The following CDC27 variants were observed in gnomAD, a reference collection of about 807,000 sequenced individuals.
CDC27 encodes cell division cycle 27.
A neutral mutation model predicts 109.7 loss-of-function variants in CDC27; 27 were observed. The observed-to-expected ratio is 0.25, with a 90% confidence interval of 0.18 to 0.34. The LOEUF (loss-of-function observed/expected upper bound fraction) is 0.34, where lower values mean the gene tolerates loss of function less well. Among genes scored for constraint, CDC27 ranks in the 10% least tolerant of loss-of-function variants. CDC27 has a pLI of 1.00. For missense variants in CDC27, 579 were observed against 960.2 expected (o/e 0.60, Z 5.25); for synonymous variants, 266 against 333.9 (o/e 0.80, Z 2.22).
chr17:47,126,752 T>C (rs990041197), intron 16 of CDC27, among the ~76,000 whole-genome samples: 2 of 152,196 alleles, frequency 1.3e-5, no homozygotes, highest in Non-Finnish European at 2.9e-5. Flanking sequence ...CAAAGAGTAG[T>C]TAAAAGTTGA....
At chr17:47,157,898 ATT>A (rs1299185731) in intron 5 of CDC27, among the ~76,000 whole-genome samples, 1 of 152,174 alleles carries the variant, frequency 6.6e-6, no homozygotes, top group Non-Finnish European at 1.5e-5. Context: ...AATTTTATTA[ATT>A]TTCTTATTCA....
At chr17:47,174,275 G>A (rs890707478) in intron 2 of CDC27, among the ~76,000 whole-genome samples, 1 of 152,246 alleles carries the variant, frequency 6.6e-6, no homozygotes, top group Middle Eastern at 3.4e-3. Flanking sequence ...AAAAAGCACA[G>A]AATATGTTTA....
At chr17:47,186,970 C>T (rs923855323) in intron 1 of CDC27, among the ~76,000 whole-genome samples, 2 of 152,038 alleles carry the variant, frequency 1.3e-5, no homozygotes, top group African/African-American at 4.8e-5. Context: ...CTTCCTAATT[C>T]TTTCCCATTT....
intron 9 of CDC27, among the ~76,000 whole-genome samples, chr17:47,149,677 G>A (rs926702292): frequency 2.0e-5 from 3 of 152,060 alleles, no homozygotes; most frequent in Admixed American, 6.6e-5. Flanking sequence ...AATTTCAGCT[G>A]GGCATGGTAG....
In CDC27 at chr17:47,133,074, CACACACACACAA is replaced by C. The variant is rs1182193139; in HGVS notation, c.1914-712_1914-701del. On this transcript the variant is annotated intron_variant, in intron 14 of 18. Coordinates refer to ENST00000066544, the MANE Select transcript of CDC27 (RefSeq NM_001256.6). ...ACACACATACATATACACACACACA[CACACACACACAA>C]ACACACACACACAAATATACATATA... 8.5e-5 allele frequency among the ~76,000 whole-genome samples: 7 copies of C among 82,724 alleles called. No individual in the cohort carries two copies. The East Asian group carries it at 1.3e-3, about 15-fold the overall frequency. 54.3% of individuals were successfully genotyped at this position (82,724 alleles called of 152,430 possible).
rs2061952029 is a variant in CDC27 at position 47,120,171 on chromosome 17, G to C, written c.*764C>G. The C allele has an allele frequency of 6.6e-6, 1 of 152,182 alleles. No homozygotes were observed. The highest frequency in any genetic ancestry group is 1.5e-5 in the Non-Finnish European group (1 of 68,028). The allele number at this position is 152,182 out of a possible 1,614,324, so 9.4% of individuals were successfully genotyped here. ...TCTATCATCTCTGAATGTTAAAGGTGATCCCACAGAGCTCAAAGAGAAGAG... is the reference window on the plus strand; with the variant it reads ...TCTATCATCTCTGAATGTTAAAGGTCATCCCACAGAGCTCAAAGAGAAGAG... On this transcript the variant is annotated 3_prime_UTR_variant, in exon 19 of 19. Coordinates refer to ENST00000066544, the MANE Select transcript of CDC27 (RefSeq NM_001256.6).
intron 6 of CDC27, 21 bp from the exon 7 acceptor site, chr17:47,157,145 C>G: frequency 6.5e-7 from 1 of 1,539,272 alleles, no homozygotes; most frequent in African/African-American, 1.4e-5. Flanking sequence ...AAATTTCTAC[C>G]AAGTCATTCA....
At chr17:47,163,089 C>T (rs911272054) in intron 4 of CDC27, among the ~76,000 whole-genome samples, 9 of 152,004 alleles carry the variant, frequency 5.9e-5, no homozygotes, top group Non-Finnish European at 2.9e-5. Context: ...AAAACCCAGC[C>T]AGAAGTTTCC....
intron 18 of CDC27, among the ~76,000 whole-genome samples, chr17:47,121,759 G>C (rs1378007346): frequency 6.8e-6 from 1 of 146,854 alleles, no homozygotes; most frequent in Non-Finnish European, 1.5e-5. Flanking sequence ...TTTTTTTTGA[G>C]ACAGAGTTTC....
intron 16 of CDC27, among the ~76,000 whole-genome samples, chr17:47,127,804 G>A (rs2062193166): frequency 6.6e-6 from 1 of 151,874 alleles, no homozygotes; most frequent in Non-Finnish European, 1.5e-5. Context: ...CTGAGCTCAA[G>A]CCATCCTCTC....
rs766303407 is a variant in CDC27, at chr17:47,120,881, G to T, written c.*54C>A. On this transcript the variant is annotated 3_prime_UTR_variant, in exon 19 of 19. Transcript: ENST00000066544. Reference sequence around the variant, plus strand: ...AAAGACTCAGTATACAGAGGGACAAGAAACACGTCAGCACTAGTCACACAT... The same window carrying T: ...AAAGACTCAGTATACAGAGGGACAATAAACACGTCAGCACTAGTCACACAT... 1.5e-6 allele frequency: 2 copies of T among 1,293,778 alleles called. No individual in the cohort carries two copies. The highest frequency in any genetic ancestry group is 2.2e-6 in the Non-Finnish European group (2 of 895,238). The allele number at this position is 1,293,778 out of a possible 1,614,324, so 80.1% of individuals were successfully genotyped here. A position where few individuals can be genotyped will look rare whatever the true frequency, so the allele number is the denominator to read the frequency against.
intron 3 of CDC27, among the ~76,000 whole-genome samples, chr17:47,171,651 G>A (rs1266695699): frequency 2.0e-5 from 3 of 152,014 alleles, no homozygotes; most frequent in South Asian, 2.1e-4. Context: ...CAAAGAAAAC[G>A]AAATATTTGT....
At chr17:47,159,949 C>G in intron 4 of CDC27, 1 of 338,546 alleles carries the variant, frequency 3.0e-6, no homozygotes, top group South Asian at 2.4e-5. Context: ...GGTCCCGGCC[C>G]CATCCACGGC....
intron 2 of CDC27, among the ~76,000 whole-genome samples, chr17:47,174,582 T>C (rs893839543): frequency 3.3e-5 from 5 of 151,080 alleles, no homozygotes; most frequent in African/African-American, 4.8e-5. Context: ...TAAAGTAATA[T>C]TGAGAAATCA....
intron 14 of CDC27, among the ~76,000 whole-genome samples, chr17:47,135,886 T>C (rs1226418554): frequency 6.6e-6 from 1 of 152,126 alleles, no homozygotes; most frequent in Non-Finnish European, 1.5e-5. Flanking sequence ...CTCATGCCTG[T>C]AATCCCAGCA....
intron 15 of CDC27, 60 bp downstream of exon 15, chr17:47,132,197 A>G (rs1392386039): frequency 1.2e-6 from 1 of 824,688 alleles, no homozygotes; most frequent in Non-Finnish European, 1.9e-6. Flanking sequence ...AATTAAATCA[A>G]TAACAAACAT....
chr17:47,124,432 C>G (rs937896026), intron 16 of CDC27, among the ~76,000 whole-genome samples: 10 of 151,918 alleles, frequency 6.6e-5, no homozygotes, highest in Non-Finnish European at 1.5e-4. Flanking sequence ...TACAGGCATG[C>G]GCCACCACAC....
intron 14 of CDC27, among the ~76,000 whole-genome samples, chr17:47,135,796 C>T (rs1447265320): frequency 6.6e-6 from 1 of 151,570 alleles, no homozygotes; most frequent in African/African-American, 2.4e-5. Context: ...AAAAACAACA[C>T]AAGGATCAAC....
intron 14 of CDC27, among the ~76,000 whole-genome samples, chr17:47,135,234 C>T (rs2062542168): frequency 6.6e-6 from 1 of 152,140 alleles, no homozygotes; most frequent in South Asian, 2.1e-4. Flanking sequence ...TTGTCCCCCA[C>T]TTACTGTTAT....
Sources: allele counts gnomAD v4.1 joint callset (sites outside exome capture counted in the v4.1 genomes callset), GRCh38; gene constraint gnomAD v4.1.1; transcripts MANE v1.5; gene names NCBI Gene and HGNC (gene_info 2026-07-23, HGNC 2026-07-21).